FRA10AC1: variants seen among roughly 807,000 people sequenced by gnomAD.
The protein encoded by FRA10AC1 is protein FRA10AC1.
A neutral mutation model predicts 56.5 loss-of-function variants in FRA10AC1; 43 were observed. That is an observed-to-expected ratio of 0.76 (90% CI 0.60 to 0.98). The LOEUF (loss-of-function observed/expected upper bound fraction) is 0.98, where lower values mean the gene tolerates loss of function less well. Ranked by LOEUF, FRA10AC1 falls within the 50% of genes least tolerant of loss-of-function variation. The probability of loss-of-function intolerance (pLI) is 0.00; values close to 1 mark genes in which losing one functional copy is unlikely to be tolerated. For missense variants in FRA10AC1, 346 were observed against 351.8 expected, an observed-to-expected ratio of 0.98 and a Z score of 0.13; for synonymous variants, 112 against 110.5, an observed-to-expected ratio of 1.01 and a Z score of -0.09.
At position 93,691,993 on chromosome 10, in the gene FRA10AC1, T is replaced by C. The variant is rs867345283; in HGVS notation, c.465+16A>G. ...TTGAATAAGAACCTCTTTCCATAAATATGTGGAAAGCATACCTTATTTTCT... is the reference window on the plus strand; with the variant it reads ...TTGAATAAGAACCTCTTTCCATAAACATGTGGAAAGCATACCTTATTTTCT... On this transcript the variant is annotated intron_variant, in intron 7 of 13. Transcript: ENST00000359204. The C allele has an allele frequency of 1.3e-6, 2 of 1,565,192 alleles. No individual in the cohort carries two copies. Among genetic ancestry groups the C allele is most frequent in the Non-Finnish European group, 1.7e-6 (2 of 1,156,192 alleles).
Position 93,693,480 on chromosome 10 carries a change from GTGTATATATA to G in FRA10AC1, c.297-761_297-752del, listed in dbSNP as rs1406518310. ...AGTGGATAAAGAAAATGTGGTGTGT[GTGTATATATA>G]TATATATATATATATATACACCATA... On this transcript the variant is annotated intron_variant, in intron 5 of 13. Coordinates refer to ENST00000359204, the MANE Select transcript of FRA10AC1 (RefSeq NM_145246.5). 8.1e-4 allele frequency among the ~76,000 whole-genome samples: 16 copies of G among 19,754 alleles called. 1 individual carries two copies. In the South Asian group the frequency reaches 9.5e-3, roughly 12 times the overall value. 13.0% of individuals were successfully genotyped at this position (19,754 alleles called of 152,430 possible).
chr10:93,692,619 T>C (rs758517925), intron 6 of FRA10AC1, 27 bp downstream of exon 6: 4 of 1,388,550 alleles, frequency 2.9e-6, no homozygotes, highest in Admixed American at 3.7e-5. Context: ...AAGCATTTGA[T>C]GCATTACGCC....
intron 7 of FRA10AC1, among the ~76,000 whole-genome samples, chr10:93,688,707 T>C (rs1295871280): frequency 3.9e-5 from 6 of 152,230 alleles, no homozygotes; most frequent in Middle Eastern, 6.8e-3. Flanking sequence ...GGAAGATTAC[T>C]TGAACCTGGG....
At chr10:93,695,461 A>T (rs1277492742) in intron 4 of FRA10AC1, among the ~76,000 whole-genome samples, 6 of 151,948 alleles carry the variant, frequency 3.9e-5, no homozygotes, top group Admixed American at 2.0e-4. Context: ...TAAAAAATCA[A>T]TTTTTATAGT....
intron 12 of FRA10AC1, chr10:93,671,989 A>G (rs2058770076): frequency 2.3e-6 from 1 of 426,582 alleles, no homozygotes; most frequent in South Asian, 1.8e-5. Context: ...GTATTAGTCA[A>G]CTAAAAATTT....
chr10:93,677,376 G>A (rs537421490), intron 11 of FRA10AC1, among the ~76,000 whole-genome samples: 22 of 152,256 alleles, frequency 1.4e-4, no homozygotes, highest in African/African-American at 5.1e-4. Context: ...AGGAGGCCTC[G>A]TAACCCAAAG....
chr10:93,690,909 A>G (rs1466863212), intron 7 of FRA10AC1, among the ~76,000 whole-genome samples: 1 of 152,196 alleles, frequency 6.6e-6, no homozygotes, highest in Non-Finnish European at 1.5e-5. Context: ...TATTTTCTAT[A>G]AGAAACTGTG....
Position 93,696,956 on chromosome 10 carries a change from G to T in FRA10AC1, c.219+1180C>A, listed in dbSNP as rs562868848. ...ACATCACACACTGGAGCCGGTGGGC[G>T]GGGAAGGGTGAGGGTGATGGGTTGA... On this transcript the variant is annotated intron_variant, in intron 4 of 13. Transcript: ENST00000359204. Among the ~76,000 whole-genome samples the T allele has an allele frequency of 9.2e-5, 14 of 152,262 alleles. No homozygotes were observed. In the South Asian group the frequency reaches 1.9e-3, roughly 20 times the overall value.
upstream of FRA10AC1, chr10:93,702,709 G>T: frequency 4.2e-6 from 1 of 237,858 alleles, no homozygotes. Flanking sequence ...GGCCCGGAAA[G>T]GGACGAAGAG....
intron 11 of FRA10AC1, among the ~76,000 whole-genome samples, chr10:93,680,115 G>C (rs923389858): frequency 6.6e-6 from 1 of 152,208 alleles, no homozygotes; most frequent in Non-Finnish European, 1.5e-5. Flanking sequence ...ATTGTACTGA[G>C]TAACATTTTA....
chr10:93,689,699 A>G (rs1469051189), intron 7 of FRA10AC1, among the ~76,000 whole-genome samples: 1 of 152,198 alleles, frequency 6.6e-6, no homozygotes, highest in Non-Finnish European at 1.5e-5. Flanking sequence ...AAATTACATT[A>G]TATCCTACTA....
At chr10:93,673,177 A>T (rs1001703551) in intron 12 of FRA10AC1, 1 of 372,012 alleles carries the variant, frequency 2.7e-6, no homozygotes, top group African/African-American at 2.1e-5. Context: ...GTTCTAAGGG[A>T]CAAGTTTTTC....
chr10:93,695,394 AATT>A (rs1233665234), intron 4 of FRA10AC1, among the ~76,000 whole-genome samples: 9 of 151,792 alleles, frequency 5.9e-5, no homozygotes, highest in Non-Finnish European at 1.2e-4. Context: ...CAACTTTTAT[AATT>A]ATATTTATAA....
Position 93,702,539 on chromosome 10 carries a change from C to A in FRA10AC1, c.-165G>T. ...CAACCACCACCGCCGCCGCCGCCGC[C>A]GCCGCCGCCCGCAACCCGCCTCTCC... On this transcript the variant is annotated 5_prime_UTR_variant, in exon 1 of 14. Coordinates refer to ENST00000359204, the MANE Select transcript of FRA10AC1 (RefSeq NM_145246.5). The A allele has an allele frequency of 4.2e-6, 1 of 236,340 alleles. No homozygotes were observed. The highest frequency in any genetic ancestry group is 8.2e-6 in the Non-Finnish European group (1 of 122,412). The allele number at this position is 236,340 out of a possible 1,614,324, so 14.6% of individuals were successfully genotyped here. A position where few individuals can be genotyped will look rare whatever the true frequency, so the allele number is the denominator to read the frequency against.
At chr10:93,697,764 TA>T (rs1284373460) in intron 4 of FRA10AC1, among the ~76,000 whole-genome samples, 1 of 152,182 alleles carries the variant, frequency 6.6e-6, no homozygotes, top group African/African-American at 2.4e-5. Flanking sequence ...ACAAGTTTTA[TA>T]GAGACCTTAA....
At chr10:93,693,851 A>T (rs1284504435) in intron 5 of FRA10AC1, among the ~76,000 whole-genome samples, 1 of 151,756 alleles carries the variant, frequency 6.6e-6, no homozygotes, top group African/African-American at 2.4e-5. Context: ...ATATGTTCTC[A>T]TTTATATGTG....
Position 93,698,412 on chromosome 10 carries a change from G to T in FRA10AC1, c.78-16C>A, listed in dbSNP as rs2059271961. The T allele has an allele frequency of 1.5e-6, 2 of 1,369,170 alleles. No individual in the cohort carries two copies. Among genetic ancestry groups the T allele is most frequent in the Non-Finnish European group, 2.1e-6 (2 of 973,852 alleles). 84.8% of individuals were successfully genotyped at this position (1,369,170 alleles called of 1,614,324 possible). On this transcript the variant is annotated splice_polypyrimidine_tract_variant and intron_variant, in intron 2 of 13. Transcript: ENST00000359204. ...TTCAACTGTCCTGATATATTAAGAA[G>T]AAAATAAGAGTTCACTTTTTTCAAA...
chr10:93,687,545 T>C, intron 7 of FRA10AC1, 96 bp from the exon 8 acceptor site: 1 of 1,131,464 alleles, frequency 8.8e-7, no homozygotes, highest in East Asian at 2.8e-5. Context: ...ACCTAAAAAA[T>C]AAATGTAATT....
At position 93,702,500 on chromosome 10, in the gene FRA10AC1, GCACAGCCTCGCCACAACCACCACCGC is replaced by G. The variant is rs1359072428; in HGVS notation, c.-152_-127del. ...CAGCACAGGTCCCGTGCGCCCTGCC[GCACAGCCTCGCCACAACCACCACCGC>G]CGCCGCCGCCGCCGCCGCCGCCCGC... On this transcript the variant is annotated 5_prime_UTR_variant, in exon 1 of 14. Transcript: ENST00000359204. 2.6e-5 allele frequency: 5 copies of G among 191,616 alleles called. No individual in the cohort carries two copies. The highest frequency in any genetic ancestry group is 2.1e-4 in the Admixed American group (3 of 14,148). The allele number at this position is 191,616 out of a possible 1,614,324, so 11.9% of individuals were successfully genotyped here. A position where few individuals can be genotyped will look rare whatever the true frequency, so the allele number is the denominator to read the frequency against.
Sources: gnomAD v4.1 joint callset for allele counts (sites outside exome capture counted in the v4.1 genomes callset) on GRCh38, gnomAD v4.1.1 for gene constraint, MANE v1.5 for transcripts, NCBI Gene and HGNC (gene_info 2026-07-23, HGNC 2026-07-21) for gene names.